Variants in TEX9 observed in about 807,000 individuals in gnomAD.
The protein encoded by TEX9 is testis expressed 9, also known as testis-expressed protein 9.
A neutral mutation model predicts 59.6 loss-of-function variants in TEX9; 74 were observed. The observed-to-expected ratio is 1.24, with a 90% CI of 1.03 to 1.51. TEX9 has a LOEUF of 1.51. Ranked by LOEUF, TEX9 falls within the 40% of genes most tolerant of loss-of-function variation. The probability of loss-of-function intolerance (pLI) is 0.00; values close to 1 mark genes in which losing one functional copy is unlikely to be tolerated. For synonymous variants in TEX9, 186 were observed against 152.2 expected, an observed-to-expected ratio of 1.22 and a Z score of -1.64; for missense variants, 522 against 447.8, an observed-to-expected ratio of 1.17 and a Z score of -1.49.
chr15:56,257,637 G>A (rs113700638), intron 1 of TEX9, among the ~76,000 whole-genome samples: 2 of 151,852 alleles, frequency 1.3e-5, no homozygotes, highest in East Asian at 1.9e-4. Flanking sequence ...CTTTTTAATC[G>A]GGTTGTTTTT....
intron 1 of TEX9, among the ~76,000 whole-genome samples, chr15:56,302,514 C>G (rs1346804595): frequency 6.6e-6 from 1 of 151,964 alleles, no homozygotes; most frequent in Non-Finnish European, 1.5e-5. Context: ...GAGCCAGACC[C>G]TGTCTCAAAA....
At chr15:56,336,947 A>AG (rs1284891144) in intron 1 of TEX9, among the ~76,000 whole-genome samples, 3 of 152,194 alleles carry the variant, frequency 2.0e-5, no homozygotes, top group Non-Finnish European at 2.9e-5. Context: ...CCCAGCAGCT[A>AG]GGGGTGTAAG....
chr15:56,363,654 T>A (rs1479121503), upstream of TEX9, among the ~76,000 whole-genome samples: 3 of 151,798 alleles, frequency 2.0e-5, no homozygotes, highest in East Asian at 1.9e-4. Context: ...TTTTTAAAAA[T>A]TTTTTTAAAT....
intron 1 of TEX9, among the ~76,000 whole-genome samples, chr15:56,260,454 C>T (rs1482307871): frequency 2.0e-5 from 3 of 151,688 alleles, no homozygotes; most frequent in African/African-American, 7.3e-5. Flanking sequence ...AATTGGAGGC[C>T]TTTTTGCATC....
rs549893579 is a variant in TEX9 at position 56,303,698 on chromosome 15, C to T, written c.-107+59420C>T. Among the ~76,000 whole-genome samples, 103 of 151,598 alleles carry T rather than the reference C, an allele frequency of 6.8e-4. 1 individual carries two copies. The highest frequency in any genetic ancestry group is 2.3e-3 in the African/African-American group (97 of 41,312). ...ATACATGAAATGGAAATGAAAAGGA[C>T]AATACAAAAGATCAATGAAAGGAAA... is the stretch of plus-strand genomic sequence containing the variant. On this transcript the variant is annotated intron_variant, in intron 1 of 5. Transcript: ENST00000560827.
intron 2 of TEX9, among the ~76,000 whole-genome samples, chr15:56,372,038 G>A (rs1323897162): frequency 6.6e-6 from 1 of 152,174 alleles, no homozygotes; most frequent in Non-Finnish European, 1.5e-5. Flanking sequence ...TCCCTTGCCT[G>A]AGTTTGAGCT....
intron 1 of TEX9, among the ~76,000 whole-genome samples, chr15:56,268,677 A>G (rs1472893496): frequency 1.3e-5 from 2 of 149,466 alleles, no homozygotes; most frequent in African/African-American, 2.5e-5. Context: ...GATGAAGCCA[A>G]CTTGATCTCG....
rs2718952 is a variant in TEX9 at position 56,296,407 on chromosome 15, A to T, written c.-107+52129A>T. On this transcript the variant is annotated intron_variant, in intron 1 of 5. Transcript: ENST00000560827. ...GTTGTCAAATTTTCAAGATGAAGAC[A>T]TTGTGTTTCAGCATTATTTAAAGCT... Among the ~76,000 whole-genome samples, 9 of 152,102 alleles carry T rather than the reference A, an allele frequency of 5.9e-5. 1 individual carries two copies. In the East Asian group the frequency reaches 9.7e-4, roughly 16 times the overall value.
chr15:56,244,616 C>T (rs1458532429), intron 1 of TEX9, among the ~76,000 whole-genome samples: 3 of 150,320 alleles, frequency 2.0e-5, no homozygotes, highest in Admixed American at 2.0e-4. Context: ...TGCCCTCCCT[C>T]CTTTATACCG....
chr15:56,394,387 A>C, intron 8 of TEX9, 140 bp downstream of exon 8: 1 of 724,346 alleles, frequency 1.4e-6, no homozygotes, highest in Non-Finnish European at 2.2e-6. Flanking sequence ...TAAGTACTGA[A>C]CTTTATTCTG....
chr15:56,373,598 A>C (rs1225942906), intron 3 of TEX9, 94 bp downstream of exon 3: 1 of 991,482 alleles, frequency 1.0e-6, no homozygotes, highest in Non-Finnish European at 1.4e-6. Flanking sequence ...ACACTAGCCA[A>C]AGCATGTGTG....
At chr15:56,329,321 G>C (rs1251729968) in intron 1 of TEX9, among the ~76,000 whole-genome samples, 1 of 152,102 alleles carries the variant, frequency 6.6e-6, no homozygotes, top group African/African-American at 2.4e-5. Flanking sequence ...GGATAAAGAA[G>C]CCCAGACTGT....
At chr15:56,318,452 C>G (rs565943388) in intron 1 of TEX9, among the ~76,000 whole-genome samples, 1 of 152,008 alleles carries the variant, frequency 6.6e-6, no homozygotes, top group South Asian at 2.1e-4. Flanking sequence ...TTTATCTATT[C>G]TACAGTTCTT....
At chr15:56,340,559 A>T (rs2046353323) in intron 1 of TEX9, among the ~76,000 whole-genome samples, 1 of 152,126 alleles carries the variant, frequency 6.6e-6, no homozygotes, top group Non-Finnish European at 1.5e-5. Flanking sequence ...GGACAACAAG[A>T]TCCTTGCCAG....
At chr15:56,304,847 T>G (rs1452511561) in intron 1 of TEX9, among the ~76,000 whole-genome samples, 1 of 152,142 alleles carries the variant, frequency 6.6e-6, no homozygotes, top group East Asian at 1.9e-4. Flanking sequence ...CTCAGCCTCC[T>G]GAGTAGCTGA....
intron 1 of TEX9, among the ~76,000 whole-genome samples, chr15:56,335,787 C>T (rs2046245633): frequency 6.6e-6 from 1 of 151,618 alleles, no homozygotes; most frequent in Admixed American, 6.6e-5. Flanking sequence ...TACTATATAC[C>T]CACAAAAATT....
In TEX9 at chr15:56,394,589, CT is replaced by C. The variant is rs149233382; in HGVS notation, c.655-65del. On this transcript the variant is annotated intron_variant, in intron 8 of 12. Coordinates refer to ENST00000352903, the Ensembl canonical transcript of TEX9. ...AAATATCAAAGAACATATGAAACGT[CT>C]TTTTTTCTGCTTTGTTTTGATAACA... is the stretch of plus-strand genomic sequence containing the variant. 1.9e-3 allele frequency: 2,155 copies of C among 1,155,716 alleles called. 31 individuals carry two copies. In the African/African-American group the frequency reaches 0.028, roughly 15 times the overall value. 71.6% of individuals were successfully genotyped at this position (1,155,716 alleles called of 1,614,324 possible). A position where few individuals can be genotyped will look rare whatever the true frequency, so the allele number is the denominator to read the frequency against.
intron 1 of TEX9, among the ~76,000 whole-genome samples, chr15:56,298,097 T>A (rs565425623): frequency 6.6e-6 from 1 of 152,290 alleles, no homozygotes; most frequent in Non-Finnish European, 1.5e-5. Context: ...ATGTTGATTA[T>A]GTGATCTGCA....
intron 1 of TEX9, among the ~76,000 whole-genome samples, chr15:56,287,883 G>A (rs75633517): frequency 7.2e-5 from 11 of 151,972 alleles, no homozygotes; most frequent in South Asian, 6.2e-4. Flanking sequence ...ATAGTATTCC[G>A]TTGTGTATAT....
Sources: gnomAD v4.1 joint callset for allele counts (sites outside exome capture counted in the v4.1 genomes callset) on GRCh38, gnomAD v4.1.1 for gene constraint, MANE v1.5 for transcripts, NCBI Gene and HGNC (gene_info 2026-07-23, HGNC 2026-07-21) for gene names.